The following ESRRG variants were observed in gnomAD, a reference collection of about 807,000 sequenced individuals.
The protein encoded by ESRRG is estrogen related receptor gamma, also known as estrogen-related receptor gamma.
In ESRRG, 13 loss-of-function variants were observed where a neutral mutation model predicts 44.0. That is an observed-to-expected ratio of 0.30 (90% CI 0.19 to 0.47). The LOEUF (loss-of-function observed/expected upper bound fraction) is 0.47. Among genes scored for constraint, ESRRG ranks in the 20% least tolerant of loss-of-function variants. The pLI, the probability that ESRRG is intolerant of heterozygous loss-of-function variation, is 1.00. For missense variants in ESRRG, 395 were observed against 580.6 expected, an observed-to-expected ratio of 0.68 and a Z score of 3.29; for synonymous variants, 215 against 214.6, an observed-to-expected ratio of 1.00 and a Z score of -0.02.
At chr1:217,136,588 G>A (rs115242239) in intron 1 of ESRRG, among the ~76,000 whole-genome samples, 2,493 of 152,224 alleles carry the variant, frequency 0.016, 80 homozygotes, top group South Asian at 0.12. Context: ...CCTGTCCCTG[G>A]ACGCCCTTTT....
intron 1 of ESRRG, among the ~76,000 whole-genome samples, chr1:217,035,269 T>A (rs1228836887): frequency 7.2e-6 from 1 of 138,718 alleles, no homozygotes; most frequent in Non-Finnish European, 1.5e-5. Context: ...GAGGCTCACT[T>A]GAGGCCAGGA....
intron 2 of ESRRG, among the ~76,000 whole-genome samples, chr1:216,938,556 A>G (rs1481189820): frequency 6.6e-6 from 1 of 152,220 alleles, no homozygotes. Flanking sequence ...CCTGGGTGCC[A>G]TGAAAAAGGT....
chr1:216,567,613 C>A (rs1174934087), intron 4 of ESRRG, among the ~76,000 whole-genome samples: 2 of 152,154 alleles, frequency 1.3e-5, no homozygotes, highest in African/African-American at 4.8e-5. Flanking sequence ...CTTGTGAAAT[C>A]TGAAACTAAG....
chr1:216,813,936 G>A (rs1032138834), intron 2 of ESRRG, among the ~76,000 whole-genome samples: 8 of 152,162 alleles, frequency 5.3e-5, no homozygotes, highest in African/African-American at 1.9e-4. Flanking sequence ...AGCCTCTGCT[G>A]TGGCATCTGA....
intron 2 of ESRRG, among the ~76,000 whole-genome samples, chr1:216,788,078 T>G (rs2094192630): frequency 6.6e-6 from 1 of 152,156 alleles, no homozygotes; most frequent in Non-Finnish European, 1.5e-5. Context: ...AATATAAAAG[T>G]GCAAGGTGAA....
intron 2 of ESRRG, among the ~76,000 whole-genome samples, chr1:216,823,749 G>GGTATTAGA (rs2095341733): frequency 6.6e-6 from 1 of 152,072 alleles, no homozygotes; most frequent in Admixed American, 6.5e-5. Context: ...AGGAATGCAA[G>GGTATTAGA]CTTTCTTTAC....
chr1:216,904,487 C>T (rs2059465231), intron 2 of ESRRG, among the ~76,000 whole-genome samples: 2 of 152,180 alleles, frequency 1.3e-5, no homozygotes, highest in African/African-American at 4.8e-5. Flanking sequence ...CTGTTATAAA[C>T]AGAAACAGCT....
At chr1:216,615,925 A>C (rs1164923006) in intron 3 of ESRRG, among the ~76,000 whole-genome samples, 3 of 152,000 alleles carry the variant, frequency 2.0e-5, no homozygotes, top group Admixed American at 2.0e-4. Flanking sequence ...ACCTCAGGAG[A>C]TCTGCCCGCC....
intron 2 of ESRRG, among the ~76,000 whole-genome samples, chr1:216,901,552 G>A (rs2059076826): frequency 2.0e-5 from 3 of 151,996 alleles, no homozygotes; most frequent in Admixed American, 1.3e-4. Flanking sequence ...AAGTTTTTCT[G>A]TAGGAACAAG....
intron 2 of ESRRG, among the ~76,000 whole-genome samples, chr1:216,919,249 G>A (rs560435364): frequency 2.0e-5 from 3 of 152,252 alleles, no homozygotes; most frequent in Admixed American, 6.5e-5. Context: ...AGAGCCAAGG[G>A]TTTGCTAATT....
chr1:216,668,440 A>C (rs918331421), intron 2 of ESRRG, among the ~76,000 whole-genome samples: 2 of 152,232 alleles, frequency 1.3e-5, no homozygotes, highest in Admixed American at 1.3e-4. Flanking sequence ...AAATAGAGTA[A>C]CATAATGCTA....
intron 1 of ESRRG, among the ~76,000 whole-genome samples, chr1:217,073,207 A>C (rs2090820225): frequency 1.5e-5 from 1 of 66,234 alleles, no homozygotes; most frequent in Non-Finnish European, 3.2e-5. Flanking sequence ...CAAAAAAAAA[A>C]AAAAAAAAAA....
intron 2 of ESRRG, among the ~76,000 whole-genome samples, chr1:216,832,682 G>A (rs1020345868): frequency 6.6e-6 from 1 of 152,142 alleles, no homozygotes; most frequent in African/African-American, 2.4e-5. Context: ...TTCCTCTACT[G>A]GCTGGGTGCA....
chr1:216,920,241 T>C (rs1008130910), intron 2 of ESRRG, among the ~76,000 whole-genome samples: 1 of 152,196 alleles, frequency 6.6e-6, no homozygotes, highest in Non-Finnish European at 1.5e-5. Flanking sequence ...AAAAGTCATG[T>C]CCAGAAGCTG....
intron 5 of ESRRG, among the ~76,000 whole-genome samples, chr1:216,560,126 T>A (rs2058427025): frequency 6.6e-6 from 1 of 152,200 alleles, no homozygotes. Context: ...TACATATACT[T>A]AAAGACTATT....
intron 5 of ESRRG, among the ~76,000 whole-genome samples, chr1:216,546,684 TA>T (rs1004867909): frequency 3.6e-4 from 53 of 147,702 alleles, no homozygotes; most frequent in South Asian, 1.5e-3. Context: ...CTATGTGCTT[TA>T]AAAAAAAAAA....
chr1:216,650,213 G>C (rs2068609583), intron 3 of ESRRG, among the ~76,000 whole-genome samples: 1 of 152,088 alleles, frequency 6.6e-6, no homozygotes, highest in African/African-American at 2.4e-5. Flanking sequence ...CACAAGTATA[G>C]CAATGCATTA....
chr1:216,939,544 A>T (rs1353951570), intron 2 of ESRRG: 1 of 152,018 alleles, frequency 6.6e-6, no homozygotes, highest in Non-Finnish European at 1.5e-5. Context: ...ATTTTAAAAG[A>T]ATGTTAATAT....
intron 5 of ESRRG, among the ~76,000 whole-genome samples, chr1:216,559,802 A>T (rs1465892908): frequency 6.6e-6 from 1 of 152,194 alleles, no homozygotes; most frequent in East Asian, 1.9e-4. Context: ...ATAATCTTAA[A>T]AATTTGACTC....
Sources: gnomAD v4.1 joint callset for allele counts (sites outside exome capture counted in the v4.1 genomes callset) on GRCh38, gnomAD v4.1.1 for gene constraint, MANE v1.5 for transcripts, NCBI Gene and HGNC (gene_info 2026-07-23, HGNC 2026-07-21) for gene names.